Variants in ZNF77 observed in about 807,000 individuals in gnomAD.
ZNF77 encodes the protein zinc finger protein 77, also known as ZNFpT1.
Under a neutral mutation model 13.5 loss-of-function variants are expected in ZNF77, and 15 were observed. That is an observed-to-expected ratio of 1.11 (90% CI 0.74 to 1.71). The LOEUF (loss-of-function observed/expected upper bound fraction) is 1.71, where lower values mean the gene tolerates loss of function less well. ZNF77 is among the 40% of genes most tolerant of loss of function. ZNF77 has a pLI of 0.00. For missense variants in ZNF77, 717 were observed against 676.4 expected (o/e 1.06, Z -0.67); for synonymous variants, 282 against 250.0 (o/e 1.13, Z -1.21).
At chr19:2,940,013 A>G (rs970395405) in intron 1 of ZNF77, among the ~76,000 whole-genome samples, 5 of 152,038 alleles carry the variant, frequency 3.3e-5, no homozygotes, top group African/African-American at 1.2e-4. Context: ...TTCAGGTAAC[A>G]TGGAAATTGA....
chr19:2,933,674 A>C lies in ZNF77; in HGVS notation c.1453T>G (p.Ser485Ala), dbSNP rs755496877. The part of the protein sequence containing the change: ...HAQYFQKHVR[S>A]HSGVKPYECT... ...TCGTAGGGTTTGACCCCACTGTGTG[A>C]TCTCACATGCTTTTGAAAGTACTGA... The change falls in exon 4 of 4, where the codon TCA (serine) becomes GCA (alanine). Residue 485 changes from serine to alanine, a missense_variant. By Grantham distance (99) the Ser-to-Ala change is moderately conservative. Coordinates refer to ENST00000314531, the MANE Select transcript of ZNF77 (RefSeq NM_021217.3). The C allele has an allele frequency of 1.2e-6, 2 of 1,612,166 alleles. No individual in the cohort carries two copies. The highest frequency in any genetic ancestry group is 2.7e-5 in the African/African-American group (2 of 74,728).
At chr19:2,935,351 CTT>C (rs1251723607) in intron 3 of ZNF77, among the ~76,000 whole-genome samples, 3 of 109,084 alleles carry the variant, frequency 2.8e-5, no homozygotes, top group Non-Finnish European at 5.4e-5. Context: ...GAGTTTCACT[CTT>C]GTTGCCCAGG....
At position 2,936,715 on chromosome 19, in the gene ZNF77, C is replaced by A; in HGVS notation, c.131-11G>T. ...CATAAATGTAACAATCTGCAACAAT[C>A]AATTACACAATTTCTTAGGAGAAAT... On this transcript the variant is annotated splice_polypyrimidine_tract_variant and intron_variant, in intron 2 of 3. Transcript: ENST00000314531. 6.3e-7 allele frequency: 1 copy of A among 1,591,980 alleles called. No individual in the cohort carries two copies. Among genetic ancestry groups the A allele is most frequent in the Non-Finnish European group, 8.5e-7 (1 of 1,173,882 alleles).
Position 2,934,509 on chromosome 19 carries a change from G to A in ZNF77, c.618C>T (p.Leu206=), listed in dbSNP as rs2088378077. 6.2e-7 allele frequency: 1 copy of A among 1,614,188 alleles called. No individual in the cohort carries two copies. The highest frequency in any genetic ancestry group is 1.7e-5 in the Admixed American group (1 of 60,010). ...RTASVTYVKS[L]SSKKSYECQK... ...GACATTCATAAGACTTTTTACTGCT[G>A]AGACTTTTCACGTATGTCACAGATG... is the stretch of plus-strand genomic sequence containing the variant. Residue 206 remains leucine (L), a synonymous_variant, in exon 4 of 4, where the codon CTC becomes CTT. Coordinates refer to ENST00000314531, the MANE Select transcript of ZNF77 (RefSeq NM_021217.3).
At chr19:2,939,473 G>T (rs1410269925) in intron 1 of ZNF77, 66 bp from the exon 2 acceptor site, 22 of 1,591,728 alleles carry the variant, frequency 1.4e-5, no homozygotes, top group South Asian at 2.3e-5. Flanking sequence ...AGGAAGAGGG[G>T]TGAGGCTGAC....
chr19:2,937,375 C>CT (rs1336137211), intron 2 of ZNF77, among the ~76,000 whole-genome samples: 2 of 152,084 alleles, frequency 1.3e-5, no homozygotes, highest in East Asian at 3.9e-4. Context: ...ATCCCAGCTA[C>CT]TCGGGAGGCT....
At position 2,944,900 on chromosome 19, in the gene ZNF77, G is replaced by C; in HGVS notation, c.-60C>G. On this transcript the variant is annotated 5_prime_UTR_variant, in exon 1 of 4. Transcript: ENST00000314531. Reference sequence around the variant, plus strand: ...CCCCGCGGTCCAGCGACCGGCGCAGGTGAGCACGACAGGACACCTGAGCCG... The same window carrying C: ...CCCCGCGGTCCAGCGACCGGCGCAGCTGAGCACGACAGGACACCTGAGCCG... The C allele has an allele frequency of 6.6e-7, 1 of 1,514,396 alleles. No homozygotes were observed. The highest frequency in any genetic ancestry group is 8.8e-7 in the Non-Finnish European group (1 of 1,137,274). The allele number at this position is 1,514,396 out of a possible 1,614,324, so 93.8% of individuals were successfully genotyped here. A position where few individuals can be genotyped will look rare whatever the true frequency, so the allele number is the denominator to read the frequency against.
intron 3 of ZNF77, among the ~76,000 whole-genome samples, chr19:2,935,286 G>A (rs1312074910): frequency 6.6e-6 from 1 of 150,854 alleles, no homozygotes; most frequent in Non-Finnish European, 1.5e-5. Flanking sequence ...CCAAAGTGCT[G>A]GGATTACAGG....
Position 2,934,312 on chromosome 19 carries a change from T to A in ZNF77, c.815A>T (p.Glu272Val), listed in dbSNP as rs2088374817. ...GGGACAGCTGAAGGCTTTCCCACAC[T>A]CCTTACACTCATAGGGTTTCTCTCC... ...HTGEKPYECKECGKAFSCPSY... is the reference protein window; with the variant it reads ...HTGEKPYECKVCGKAFSCPSY... Residue 272 changes from glutamate to valine, a missense_variant, in exon 4 of 4, where the codon GAG becomes GTG. Glu to Val is a moderately radical substitution (Grantham distance 121, BLOSUM62 -2). Transcript: ENST00000314531. 3 of 1,613,718 alleles carry A rather than the reference T, an allele frequency of 1.9e-6. No homozygotes were observed. The Middle Eastern group carries it at 5.0e-4, about 266-fold the overall frequency.
At position 2,934,367 on chromosome 19, in the gene ZNF77, A is replaced by T; in HGVS notation, c.760T>A (p.Tyr254Asn). 2 of 1,614,194 alleles carry T rather than the reference A, an allele frequency of 1.2e-6. No individual in the cohort carries two copies. The highest frequency in any genetic ancestry group is 1.7e-6 in the Non-Finnish European group (2 of 1,180,030). Residue 254 changes from tyrosine to asparagine, a missense_variant, in exon 4 of 4, where the codon TAC (tyrosine) becomes AAC (asparagine). Physicochemically the swap from Tyr to Asn is moderately radical, Grantham distance 143. Coordinates refer to ENST00000314531, the MANE Select transcript of ZNF77 (RefSeq NM_021217.3). ...TGAGTTCTTACGTGCCGTGTAAGGTAGGAGTAATACATAAAGGTCTTCCCA... is the reference window on the plus strand; with the variant it reads ...TGAGTTCTTACGTGCCGTGTAAGGTTGGAGTAATACATAAAGGTCTTCCCA... ...VCGKTFMYYS[Y>N]LTRHVRTHTG...
At chr19:2,937,427 T>C (rs543920940) in intron 2 of ZNF77, among the ~76,000 whole-genome samples, 45 of 151,814 alleles carry the variant, frequency 3.0e-4, no homozygotes, top group Non-Finnish European at 4.1e-4. Flanking sequence ...GGGGGTTGCA[T>C]TGAGCCAAGA....
intron 1 of ZNF77, 66 bp downstream of exon 1, chr19:2,944,772 G>A: frequency 6.8e-7 from 1 of 1,479,400 alleles, no homozygotes; most frequent in Non-Finnish European, 8.9e-7. Flanking sequence ...GCGAACTCGG[G>A]CGGAAGCCGG....
Position 2,934,250 on chromosome 19 carries a change from C to G in ZNF77, c.877G>C (p.Glu293Gln). The G allele has an allele frequency of 6.2e-7, 1 of 1,613,630 alleles. No individual in the cohort carries two copies. Among genetic ancestry groups the G allele is most frequent in the Non-Finnish European group, 8.5e-7 (1 of 1,179,598 alleles). ...CAATGCTTACATTCATACGGTTTCTCTCCAGTGTGTGTTCTGACATGTTCT... is the reference window on the plus strand; with the variant it reads ...CAATGCTTACATTCATACGGTTTCTGTCCAGTGTGTGTTCTGACATGTTCT... The part of the protein sequence containing the change: ...FREHVRTHTG[E>Q]KPYECKHCGK... The change falls in exon 4 of 4, where the codon GAG (glutamate) becomes CAG (glutamine). Residue 293 changes from glutamate to glutamine, a missense_variant. Transcript: ENST00000314531.
At position 2,933,660 on chromosome 19, in the gene ZNF77, G is replaced by C. The variant is rs750719100; in HGVS notation, c.1467C>G (p.Val489=). 9 of 1,612,514 alleles carry C rather than the reference G, an allele frequency of 5.6e-6. No homozygotes were observed. In the East Asian group the frequency reaches 1.6e-4, roughly 28 times the overall value. ...CACATTCAGTACATTCGTAGGGTTTGACCCCACTGTGTGATCTCACATGCT... is the reference window on the plus strand; with the variant it reads ...CACATTCAGTACATTCGTAGGGTTTCACCCCACTGTGTGATCTCACATGCT... ...FQKHVRSHSG[V]KPYECTECGK... is the part of the protein sequence containing the mutation. Residue 489 remains valine (V), a synonymous_variant, in exon 4 of 4, where the codon GTC becomes GTG. Transcript: ENST00000314531.
intron 2 of ZNF77, among the ~76,000 whole-genome samples, chr19:2,937,823 G>T (rs2088411315): frequency 6.6e-6 from 1 of 152,022 alleles, no homozygotes; most frequent in Admixed American, 6.6e-5. Flanking sequence ...GTGGCACTTT[G>T]TTGGCTCACT....
chr19:2,934,794 A>G lies in ZNF77; in HGVS notation c.333T>C (p.Cys111=), dbSNP rs1158130283. 1.2e-6 allele frequency: 2 copies of G among 1,610,326 alleles called. No individual in the cohort carries two copies. The highest frequency in any genetic ancestry group is 1.3e-5 in the African/African-American group (1 of 74,878). Residue 111 remains cysteine (C), a synonymous_variant, in exon 4 of 4, where the codon TGT becomes TGC. Transcript: ENST00000314531. ...CGCATTGATGACCTTCATTACTTTC[A>G]CAGAGTCTCCCCAGCTGACTTCTGT... ...RHLRSQLGRL[C]ESNEGHQCGE...
intron 1 of ZNF77, among the ~76,000 whole-genome samples, chr19:2,943,545 A>C (rs1349016350): frequency 6.6e-6 from 1 of 151,632 alleles, no homozygotes; most frequent in Non-Finnish European, 1.5e-5. Context: ...ATTTACTGTC[A>C]ACCTCCTTTC....
At chr19:2,939,613 C>T in intron 1 of ZNF77, 1 of 597,478 alleles carries the variant, frequency 1.7e-6, no homozygotes, top group Non-Finnish European at 2.9e-6. Flanking sequence ...CGGCCTCTGC[C>T]AGAGACTTAC....
chr19:2,940,079 GA>G (rs928464749), intron 1 of ZNF77, among the ~76,000 whole-genome samples: 1 of 152,048 alleles, frequency 6.6e-6, no homozygotes, highest in South Asian at 2.1e-4. Flanking sequence ...AGCACTTTGG[GA>G]GGCCAAGGTG....
Sources: allele counts gnomAD v4.1 joint callset (sites outside exome capture counted in the v4.1 genomes callset), GRCh38; gene constraint gnomAD v4.1.1; transcripts MANE v1.5; gene names NCBI Gene and HGNC (gene_info 2026-07-23, HGNC 2026-07-21).